Variants in FGFR2 observed in about 807,000 individuals in gnomAD.
FGFR2 encodes BEK fibroblast growth factor receptor.
FGFR2 carries 19 observed loss-of-function variants against 95.9 expected under a neutral mutation model. That is an observed-to-expected ratio of 0.20 (90% CI 0.14 to 0.29). The LOEUF is 0.29. Among genes scored for constraint, FGFR2 ranks in the 10% least tolerant of loss-of-function variants. The pLI is 1.00. For synonymous variants in FGFR2, 392 were observed against 393.3 expected (o/e 1.00, Z 0.04); for missense variants, 707 against 1,056.9 (o/e 0.67, Z 4.59).
At chr10:121,507,445 G>T (rs996487840) in intron 9 of FGFR2, among the ~76,000 whole-genome samples, 3 of 152,142 alleles carry the variant, frequency 2.0e-5, no homozygotes, top group Non-Finnish European at 2.9e-5. Flanking sequence ...AAAGTTAGCC[G>T]GGCATGGTGG....
intron 4 of FGFR2, among the ~76,000 whole-genome samples, chr10:121,554,971 T>C (rs1212668871): frequency 6.6e-6 from 1 of 152,194 alleles, no homozygotes; most frequent in Non-Finnish European, 1.5e-5. Context: ...TTAACAACTC[T>C]CATTTGGAGA....
rs774682374 is a variant in FGFR2, at chr10:121,485,513, T to C, written c.2077A>G (p.Met693Val). The change falls in exon 16 of 18, where the codon ATG (methionine) becomes GTG (valine). Residue 693 changes from methionine to valine, a missense_variant. Met to Val is a conservative substitution (Grantham distance 21). Around this residue, in one of 7 missense-constraint regions of FGFR2, gnomAD observed 104 missense variants for 214.2 expected, o/e 0.49. Transcript: ENST00000358487. The surrounding 1 kb of genome is among the most constrained non-coding windows in gnomAD (Gnocchi z 4.2). ...CCCCCTAAAGTGAAGATCTCCCACA[T>C]TAACACCCCGAAGGACCAGCTGCAA... is the stretch of plus-strand genomic sequence containing the variant. ...QSDVWSFGVL[M>V]WEIFTLGGSP... is the part of the protein sequence containing the mutation. 1.2e-6 allele frequency: 2 copies of C among 1,614,066 alleles called. No individual in the cohort carries two copies. The highest frequency in any genetic ancestry group is 4.5e-5 in the East Asian group (2 of 44,858).
chr10:121,478,926 T>A lies in FGFR2; in HGVS notation c.*931A>T. The A allele has an allele frequency of 4.3e-6, 1 of 233,608 alleles. No homozygotes were observed. The highest frequency in any genetic ancestry group is 8.5e-6 in the Non-Finnish European group (1 of 117,988). 14.5% of individuals were successfully genotyped at this position (233,608 alleles called of 1,614,324 possible). On this transcript the variant is annotated 3_prime_UTR_variant, in exon 18 of 18. Transcript: ENST00000358487. Reference sequence around the variant, plus strand: ...GTACCATTTATCTTGGGAAGTCCAGTTAGACGTTGCGTTGACGTAATGACA... The same window carrying A: ...GTACCATTTATCTTGGGAAGTCCAGATAGACGTTGCGTTGACGTAATGACA...
At chr10:121,559,111 G>GAAAAAAAA (rs904279035) in intron 4 of FGFR2, among the ~76,000 whole-genome samples, 1 of 55,230 alleles carries the variant, frequency 1.8e-5, no homozygotes, top group Non-Finnish European at 4.0e-5. Context: ...TCCAAAAGGA[G>GAAAAAAAA]AAAAAAAAAA....
At chr10:121,540,923 G>A (rs1370097121) in intron 5 of FGFR2, among the ~76,000 whole-genome samples, 12 of 152,184 alleles carry the variant, frequency 7.9e-5, no homozygotes, top group Middle Eastern at 3.4e-3. Flanking sequence ...CACAGGGAGG[G>A]GACATCGCCT....
chr10:121,594,588 G>T (rs1863162128), intron 1 of FGFR2, among the ~76,000 whole-genome samples: 1 of 152,176 alleles, frequency 6.6e-6, no homozygotes, highest in Non-Finnish European at 1.5e-5. Context: ...TTTTCAAATG[G>T]AGAAGTGTCT....
At chr10:121,576,135 C>G (rs944249218) in intron 2 of FGFR2, among the ~76,000 whole-genome samples, 5 of 152,122 alleles carry the variant, frequency 3.3e-5, no homozygotes, top group Non-Finnish European at 5.9e-5. Context: ...TGCCGTGAGC[C>G]GAGATCACGC....
chr10:121,597,052 T>C (rs1863531841), intron 1 of FGFR2, among the ~76,000 whole-genome samples: 1 of 152,114 alleles, frequency 6.6e-6, no homozygotes, highest in South Asian at 2.1e-4. Flanking sequence ...CAGGTTTGCC[T>C]TTAAGGGTAG....
chr10:121,481,149 G>T (rs1363217224), intron 17 of FGFR2, among the ~76,000 whole-genome samples: 2 of 152,090 alleles, frequency 1.3e-5, no homozygotes, highest in African/African-American at 2.4e-5. Context: ...TTTACAGAAA[G>T]CAGTTGCCGA....
Position 121,538,725 on chromosome 10 carries a change from T to C in FGFR2, c.625-10A>G, listed in dbSNP as rs201512833. The C allele has an allele frequency of 2.1e-4, 346 of 1,614,140 alleles. No homozygotes were observed. Among genetic ancestry groups the C allele is most frequent in the Middle Eastern group, 3.3e-4 (2 of 6,062 alleles). Reference sequence around the variant, plus strand: ...AGTGCTGGTTTCGTACCTGAAAAGATCAAAGCAAAGGCGGTTATTTAACAA... The same window carrying C: ...AGTGCTGGTTTCGTACCTGAAAAGACCAAAGCAAAGGCGGTTATTTAACAA... On this transcript the variant is annotated splice_polypyrimidine_tract_variant and intron_variant, in intron 5 of 17. Transcript: ENST00000358487.
intron 6 of FGFR2, among the ~76,000 whole-genome samples, chr10:121,524,614 T>C (rs2134386196): frequency 6.6e-6 from 1 of 152,226 alleles, no homozygotes; most frequent in South Asian, 2.1e-4. Flanking sequence ...CCCCTCGGAA[T>C]CCCTAAGAAC....
chr10:121,504,540 C>G (rs1046630069), intron 9 of FGFR2, among the ~76,000 whole-genome samples: 7 of 152,300 alleles, frequency 4.6e-5, no homozygotes, highest in Admixed American at 1.3e-4. Flanking sequence ...GGGGGCCATT[C>G]TTTGTTTCTC....
intron 10 of FGFR2, among the ~76,000 whole-genome samples, chr10:121,502,445 CA>C (rs2134032154): frequency 6.6e-6 from 1 of 152,260 alleles, no homozygotes; most frequent in Non-Finnish European, 1.5e-5. Context: ...ACACTCTAAC[CA>C]AATAATATCC....
chr10:121,563,229 C>G (rs1243827282), intron 4 of FGFR2, among the ~76,000 whole-genome samples: 2 of 152,118 alleles, frequency 1.3e-5, no homozygotes, highest in Non-Finnish European at 2.9e-5. Context: ...CAAAAATTAG[C>G]CAGGTGTAGT....
chr10:121,491,826 C>T (rs1282439967), intron 13 of FGFR2, among the ~76,000 whole-genome samples: 3 of 150,690 alleles, frequency 2.0e-5, no homozygotes, highest in Admixed American at 6.6e-5. Context: ...GCCGAGATAG[C>T]GCCACTGAAC....
intron 14 of FGFR2, among the ~76,000 whole-genome samples, 190 bp downstream of exon 14, chr10:121,487,801 A>T (rs1225469646): frequency 6.6e-6 from 1 of 152,214 alleles, no homozygotes; most frequent in Non-Finnish European, 1.5e-5. Context: ...ACATTTACTA[A>T]AATTGACATA....
Position 121,518,602 on chromosome 10 carries a change from G to A in FGFR2, c.940-1139C>T, listed in dbSNP as rs2134278011. On this transcript the variant is annotated intron_variant, in intron 7 of 17. Coordinates refer to ENST00000358487, the MANE Select transcript of FGFR2 (RefSeq NM_000141.5). The surrounding 1 kb of genome is among the most constrained non-coding windows in gnomAD (Gnocchi z 4.0). ...AGAGTTATCCTATAAGCTGCCTGCA[G>A]TCTCCCAAAGCACCAAGTCTTTTCA... 4.5e-6 allele frequency: 7 copies of A among 1,544,732 alleles called. No homozygotes were observed. The highest frequency in any genetic ancestry group is 6.2e-6 in the Non-Finnish European group (7 of 1,122,882).
intron 2 of FGFR2, among the ~76,000 whole-genome samples, chr10:121,593,065 G>A (rs1036953649): frequency 5.9e-5 from 9 of 152,090 alleles, no homozygotes; most frequent in East Asian, 1.9e-4. Flanking sequence ...TGACACCGGC[G>A]CATGCCCTGT....
intron 4 of FGFR2, among the ~76,000 whole-genome samples, chr10:121,552,966 CG>C (rs2134874230): frequency 6.6e-6 from 1 of 152,262 alleles, no homozygotes; most frequent in South Asian, 2.1e-4. Context: ...CTCTATTCTA[CG>C]GGTGTAGAGC....
Sources: allele counts gnomAD v4.1 joint callset (sites outside exome capture counted in the v4.1 genomes callset), GRCh38; gene constraint gnomAD v4.1.1; regional missense constraint gnomAD v4.1.1; non-coding constraint Gnocchi (gnomAD v3.1); transcripts MANE v1.5; gene names NCBI Gene and HGNC (gene_info 2026-07-23, HGNC 2026-07-21).